The following SLC38A1 variants were observed in gnomAD, a reference collection of about 807,000 sequenced individuals.
SLC38A1 encodes the protein sodium-coupled neutral amino acid symporter 1.
SLC38A1 carries 18 observed loss-of-function variants against 60.3 expected under a neutral mutation model. That is an observed-to-expected ratio of 0.30 (90% CI 0.21 to 0.44). SLC38A1 has a LOEUF of 0.44. Among genes scored for constraint, SLC38A1 ranks in the 20% least tolerant of loss-of-function variants. The probability of loss-of-function intolerance (pLI) is 1.00; values close to 1 mark genes in which losing one functional copy is unlikely to be tolerated. For missense variants in SLC38A1, 448 were observed against 587.2 expected (o/e 0.76, Z 2.45); for synonymous variants, 196 against 212.1 (o/e 0.92, Z 0.66).
intron 5 of SLC38A1, among the ~76,000 whole-genome samples, chr12:46,219,163 G>A (rs1940547076): frequency 6.6e-6 from 1 of 152,218 alleles, no homozygotes; most frequent in African/African-American, 2.4e-5. Flanking sequence ...TTTTGTTTCA[G>A]TCAAACCATG....
At chr12:46,224,312 T>G (rs76228615) in intron 5 of SLC38A1, among the ~76,000 whole-genome samples, 2 of 152,124 alleles carry the variant, frequency 1.3e-5, no homozygotes, top group South Asian at 4.1e-4. Flanking sequence ...CCCACCAGCA[T>G]CCTCAGAATT....
chr12:46,188,972 A>G lies in SLC38A1; in HGVS notation c.1462T>C (p.Ter488ArgextTer109), dbSNP rs1466417043. The G allele has an allele frequency of 6.2e-7, 1 of 1,612,718 alleles. No homozygotes were observed. ...ATGTTTCTTTTTCTCGGCGGGTTTC[A>G]GTGGCCTTCGTCACTACTCGATGAG... ...ACSSSSDEGH[*>R] The change falls in exon 17 of 17, where the codon TGA (stop) becomes CGA (arginine). Residue 488 changes from the stop codon to arginine, a stop_lost. Coordinates refer to ENST00000398637, the MANE Select transcript of SLC38A1 (RefSeq NM_030674.4).
chr12:46,225,461 C>G (rs989887102), intron 5 of SLC38A1, among the ~76,000 whole-genome samples: 5 of 152,094 alleles, frequency 3.3e-5, no homozygotes, highest in African/African-American at 1.2e-4. Context: ...AAATTGGGAA[C>G]TGAGTGAACA....
intron 1 of SLC38A1, among the ~76,000 whole-genome samples, chr12:46,247,563 T>C (rs968028078): frequency 1.3e-5 from 2 of 152,192 alleles, no homozygotes; most frequent in Non-Finnish European, 2.9e-5. Context: ...GTTTGACTGG[T>C]GTACGTGAAA....
In SLC38A1 at chr12:46,268,692, G is replaced by A. The variant is rs1942445214; in HGVS notation, c.-375C>T. 1 of 294,778 alleles carries A rather than the reference G, an allele frequency of 3.4e-6. No individual in the cohort carries two copies. The allele number at this position is 294,778 out of a possible 1,614,324, so 18.3% of individuals were successfully genotyped here. A position where few individuals can be genotyped will look rare whatever the true frequency, so the allele number is the denominator to read the frequency against. The stretch of plus-strand genomic sequence containing the variant: ...TTGGGCAGGGAGCTTGGCGTGGCCT[G>A]GCGGATTTCGGAGGAAGGTGAAGGG... On this transcript the variant is annotated 5_prime_UTR_variant, in exon 1 of 17. Coordinates refer to ENST00000398637, the MANE Select transcript of SLC38A1 (RefSeq NM_030674.4). This position sits in a 1 kb window ranked among gnomAD's most constrained non-coding sequence, Gnocchi z 4.4.
Position 46,207,617 on chromosome 12 carries a change from G to A in SLC38A1, c.393C>T (p.Cys131=), listed in dbSNP as rs201103635. ...LLLICSKETG[C]MVYEKLGEQV... ...GTTCCCCCAGCTTTTCATACACCAT[G>A]CAGCCTATTTAAAAATCAAATTTGA... Residue 131 remains cysteine, a synonymous_variant, in exon 7 of 17, where the codon TGC becomes TGT. Transcript: ENST00000398637. 121 of 1,613,568 alleles carry A rather than the reference G, an allele frequency of 7.5e-5. No individual in the cohort carries two copies. The African/African-American group carries it at 1.5e-3, about 20-fold the overall frequency.
chr12:46,242,793 C>A (rs1423838814), intron 2 of SLC38A1, among the ~76,000 whole-genome samples: 1 of 152,018 alleles, frequency 6.6e-6, no homozygotes, highest in Admixed American at 6.6e-5. Flanking sequence ...CAGAGTGAGA[C>A]CCTGTCTCAA....
intron 1 of SLC38A1, among the ~76,000 whole-genome samples, chr12:46,252,808 C>T (rs1027737327): frequency 6.6e-6 from 1 of 151,418 alleles, no homozygotes; most frequent in African/African-American, 2.4e-5. Flanking sequence ...ATCTAAGTGC[C>T]CATGGATGTG....
chr12:46,245,961 A>G (rs1452605564), intron 1 of SLC38A1, among the ~76,000 whole-genome samples: 2 of 151,882 alleles, frequency 1.3e-5, no homozygotes, highest in East Asian at 3.9e-4. Context: ...TAAATTGTGT[A>G]TTGTATTGTA....
chr12:46,223,921 C>G (rs1430126484), intron 5 of SLC38A1, among the ~76,000 whole-genome samples: 2 of 152,164 alleles, frequency 1.3e-5, no homozygotes, highest in Non-Finnish European at 2.9e-5. Flanking sequence ...TCATACTTAC[C>G]TAGTACTATG....
chr12:46,202,049 T>C (rs1939683661), intron 12 of SLC38A1, among the ~76,000 whole-genome samples: 1 of 151,514 alleles, frequency 6.6e-6, no homozygotes, highest in African/African-American at 2.4e-5. Context: ...AAAAGTTAGC[T>C]GGGCATGGGG....
intron 13 of SLC38A1, among the ~76,000 whole-genome samples, chr12:46,199,736 C>T (rs1052551274): frequency 6.6e-6 from 1 of 152,068 alleles, no homozygotes; most frequent in African/African-American, 2.4e-5. Context: ...GCTAGAATGG[C>T]AGTCACATAG....
chr12:46,197,268 T>A (rs1038871321), intron 16 of SLC38A1: 1 of 156,114 alleles, frequency 6.4e-6, no homozygotes, highest in Non-Finnish European at 1.4e-5. Flanking sequence ...GGCAGACGGA[T>A]CATGAGGTCA....
chr12:46,196,451 T>C (rs1438923309), intron 16 of SLC38A1, among the ~76,000 whole-genome samples: 3 of 152,188 alleles, frequency 2.0e-5, no homozygotes, highest in Non-Finnish European at 4.4e-5. Flanking sequence ...TCAGAATTCA[T>C]GGGCAGCAGG....
In SLC38A1 at chr12:46,204,675, T is replaced by G. The variant is rs1939815220; in HGVS notation, c.647-85A>C. 4 of 981,896 alleles carry G rather than the reference T, an allele frequency of 4.1e-6. No homozygotes were observed. In the East Asian group the frequency reaches 1.1e-4, roughly 26 times the overall value. The allele number at this position is 981,896 out of a possible 1,614,324, so 60.8% of individuals were successfully genotyped here. A position where few individuals can be genotyped will look rare whatever the true frequency, so the allele number is the denominator to read the frequency against. ...GCTACCCATCATAAACTGTTATTAT[T>G]TCAAAATTCATCACCTCACTTATTT... On this transcript the variant is annotated intron_variant, in intron 9 of 16. Coordinates refer to ENST00000398637, the MANE Select transcript of SLC38A1 (RefSeq NM_030674.4).
chr12:46,238,262 C>A (rs997379224), intron 3 of SLC38A1, among the ~76,000 whole-genome samples: 9 of 148,730 alleles, frequency 6.1e-5, no homozygotes, highest in Non-Finnish European at 2.9e-5. Flanking sequence ...CATCACCTAG[C>A]ACAGTTGACC....
chr12:46,198,568 G>C (rs1231569459), intron 14 of SLC38A1, 57 bp downstream of exon 14: 2 of 1,213,012 alleles, frequency 1.6e-6, no homozygotes. Flanking sequence ...GCTCCTGCAG[G>C]CAGAAGGAAA....
At position 46,268,891 on chromosome 12, in the gene SLC38A1, A is replaced by T. The variant is rs1481247227; in HGVS notation, c.-574T>A. 1 of 455,890 alleles carries T rather than the reference A, an allele frequency of 2.2e-6. No homozygotes were observed. The highest frequency in any genetic ancestry group is 7.0e-5 in the East Asian group (1 of 14,366). The allele number at this position is 455,890 out of a possible 1,614,324, so 28.2% of individuals were successfully genotyped here. On this transcript the variant is annotated 5_prime_UTR_variant, in exon 1 of 17. Transcript: ENST00000398637. This position sits in a 1 kb window ranked among gnomAD's most constrained non-coding sequence, Gnocchi z 4.4. The stretch of plus-strand genomic sequence containing the variant: ...TCGACATGCACCGGCGCTGAGGGTC[A>T]CGAATCGGAGTCATTCTCCTACTGG...
At chr12:46,219,228 A>C (rs1940549566) in intron 5 of SLC38A1, among the ~76,000 whole-genome samples, 2 of 152,254 alleles carry the variant, frequency 1.3e-5, no homozygotes, top group South Asian at 4.1e-4. Flanking sequence ...GAACAAGGAC[A>C]GCTTAAGGGT....
Sources: gnomAD v4.1 joint callset for allele counts (sites outside exome capture counted in the v4.1 genomes callset) on GRCh38, gnomAD v4.1.1 for gene constraint, Gnocchi (gnomAD v3.1) non-coding constraint, MANE v1.5 for transcripts, NCBI Gene and HGNC (gene_info 2026-07-23, HGNC 2026-07-21) for gene names.